NSMAF: variants seen among roughly 807,000 people sequenced by gnomAD.
The protein encoded by NSMAF is neutral sphingomyelinase activation associated factor, also known as protein FAN.
A neutral mutation model predicts 134.9 loss-of-function variants in NSMAF; 90 were observed. The observed-to-expected ratio is 0.67, with a 90% CI of 0.56 to 0.79. The LOEUF (loss-of-function observed/expected upper bound fraction) is 0.79, where lower values mean the gene tolerates loss of function less well. NSMAF is among the 30% of genes least tolerant of loss of function. The pLI is 0.00. For synonymous variants in NSMAF, 358 were observed against 389.6 expected, an observed-to-expected ratio of 0.92 and a Z score of 0.96; for missense variants, 1,010 against 1,119.0, an observed-to-expected ratio of 0.90 and a Z score of 1.39.
chr8:58,652,795 G>A (rs563844256), intron 1 of NSMAF, among the ~76,000 whole-genome samples: 2 of 152,270 alleles, frequency 1.3e-5, no homozygotes, highest in Non-Finnish European at 1.5e-5. Flanking sequence ...CTAGCAAAAC[G>A]GATTTTCAAA....
At chr8:58,602,256 A>G in intron 13 of NSMAF, 119 bp from the exon 14 acceptor site, 2 of 661,852 alleles carry the variant, frequency 3.0e-6, no homozygotes, top group Admixed American at 3.2e-5. Flanking sequence ...AGAGCAATCC[A>G]TGAGAGTTAT....
rs1004105856 is a variant in NSMAF, at chr8:58,657,208, T to C, written c.59+2365A>G. Among the ~76,000 whole-genome samples, 2 of 152,256 alleles carry C rather than the reference T, an allele frequency of 1.3e-5. 1 individual carries two copies. Among genetic ancestry groups the C allele is most frequent in the Non-Finnish European group, 2.9e-5 (2 of 68,044 alleles). On this transcript the variant is annotated intron_variant, in intron 1 of 30. Transcript: ENST00000038176. Reference sequence around the variant, plus strand: ...TAGTCAGTCTCTATGCTTCTGCTTTTGCAGGAATATCAAAGTACATCAACC... The same window carrying C: ...TAGTCAGTCTCTATGCTTCTGCTTTCGCAGGAATATCAAAGTACATCAACC...
intron 26 of NSMAF, chr8:58,588,333 T>C (rs1230835324): frequency 1.3e-6 from 1 of 766,530 alleles, no homozygotes; most frequent in Non-Finnish European, 2.2e-6. Context: ...CTTGACATTT[T>C]CTTTTTTTTT....
chr8:58,597,579 G>A (rs371819249), intron 20 of NSMAF, 29 bp from the exon 21 acceptor site: 19 of 1,608,642 alleles, frequency 1.2e-5, no homozygotes, highest in Non-Finnish European at 1.5e-5. Context: ...ATAATGCAGT[G>A]AACCACTAGG....
At chr8:58,612,940 T>TA (rs1806564578) in intron 9 of NSMAF, among the ~76,000 whole-genome samples, 3 of 152,048 alleles carry the variant, frequency 2.0e-5, no homozygotes, top group African/African-American at 7.2e-5. Flanking sequence ...TTTAAAGGGG[T>TA]AAGAAACCTG....
chr8:58,592,886 CA>C (rs975432332), intron 23 of NSMAF, among the ~76,000 whole-genome samples: 2 of 121,898 alleles, frequency 1.6e-5, no homozygotes, highest in African/African-American at 3.8e-5. Flanking sequence ...GACTCTGTCT[CA>C]AAAAAAAACA....
At chr8:58,643,253 G>A (rs1332316740) in intron 1 of NSMAF, among the ~76,000 whole-genome samples, 180 bp from the exon 2 acceptor site, 1 of 152,188 alleles carries the variant, frequency 6.6e-6, no homozygotes, top group Non-Finnish European at 1.5e-5. Flanking sequence ...ACATAGCTGG[G>A]CTTGCCTTGT....
chr8:58,599,630 A>G (rs1487383433), intron 18 of NSMAF, 120 bp downstream of exon 18: 3 of 1,141,188 alleles, frequency 2.6e-6, no homozygotes, highest in South Asian at 3.1e-5. Flanking sequence ...TAGGGCTCAT[A>G]TATCCTTATT....
chr8:58,616,391 A>C (rs1298528702), intron 9 of NSMAF, among the ~76,000 whole-genome samples: 2 of 152,134 alleles, frequency 1.3e-5, no homozygotes, highest in African/African-American at 2.4e-5. Flanking sequence ...TATGTAAAAA[A>C]GATAAGATAT....
chr8:58,613,342 G>T (rs1806574644), intron 9 of NSMAF, among the ~76,000 whole-genome samples: 1 of 152,104 alleles, frequency 6.6e-6, no homozygotes, highest in African/African-American at 2.4e-5. Flanking sequence ...GAGGCTAAAT[G>T]GAAATACATT....
Position 58,644,820 on chromosome 8 carries a change from A to G in NSMAF, c.60-1747T>C, listed in dbSNP as rs147432706. Among the ~76,000 whole-genome samples, 861 of 152,338 alleles carry G rather than the reference A, an allele frequency of 5.7e-3. 7 individuals are homozygous for G. The highest frequency in any genetic ancestry group is 0.019 in the African/African-American group (807 of 41,570). ...ATGAATTCATGTCCTTTGCAGCGAC[A>G]TGGATGAAGCTGGAAACCATCATTC... On this transcript the variant is annotated intron_variant, in intron 1 of 30. Coordinates refer to ENST00000038176, the MANE Select transcript of NSMAF (RefSeq NM_003580.4).
chr8:58,652,510 C>T (rs992309927), intron 1 of NSMAF, among the ~76,000 whole-genome samples: 3 of 152,314 alleles, frequency 2.0e-5, no homozygotes, highest in East Asian at 3.9e-4. Context: ...GCCACACATG[C>T]TGAGCTGGGA....
Position 58,590,208 on chromosome 8 carries a change from A to G in NSMAF, c.2020-134T>C. On this transcript the variant is annotated intron_variant, in intron 24 of 30. Coordinates refer to ENST00000038176, the MANE Select transcript of NSMAF (RefSeq NM_003580.4). The stretch of plus-strand genomic sequence containing the variant: ...TGTGGCTCTCCTCCTATTTACGCAG[A>G]TTTTCTCAACTGGCTAATTCCAGCT... 2.5e-5 allele frequency: 18 copies of G among 734,590 alleles called. No homozygotes were observed. The South Asian group carries it at 3.2e-4, about 13-fold the overall frequency. The allele number at this position is 734,590 out of a possible 1,614,324, so 45.5% of individuals were successfully genotyped here. A position where few individuals can be genotyped will look rare whatever the true frequency, so the allele number is the denominator to read the frequency against.
Position 58,635,174 on chromosome 8 carries a change from T to C in NSMAF, c.333+15A>G. 6.3e-7 allele frequency: 1 copy of C among 1,598,268 alleles called. No homozygotes were observed. The highest frequency in any genetic ancestry group is 8.6e-7 in the Non-Finnish European group (1 of 1,168,600). The stretch of plus-strand genomic sequence containing the variant: ...GTTCATTCAGATTAGGAAAAAATAT[T>C]TATTATGTGCTTACCTGACTGAAAA... On this transcript the variant is annotated intron_variant, in intron 5 of 30. Transcript: ENST00000038176.
chr8:58,625,845 C>G (rs1806917038), intron 6 of NSMAF, among the ~76,000 whole-genome samples: 1 of 152,114 alleles, frequency 6.6e-6, no homozygotes, highest in Non-Finnish European at 1.5e-5. Flanking sequence ...CATTTGTCCT[C>G]TTTTGTCCTC....
chr8:58,633,212 A>C (rs1807096297), intron 5 of NSMAF, among the ~76,000 whole-genome samples: 1 of 152,136 alleles, frequency 6.6e-6, no homozygotes, highest in South Asian at 2.1e-4. Flanking sequence ...CCCTGCCCCT[A>C]TTCCAGCCTC....
At chr8:58,624,178 G>A (rs1585748969) in intron 6 of NSMAF, among the ~76,000 whole-genome samples, 1 of 151,544 alleles carries the variant, frequency 6.6e-6, no homozygotes, top group East Asian at 1.9e-4. Flanking sequence ...AGTAGCTGGG[G>A]CTAGAGGTGT....
intron 9 of NSMAF, 43 bp downstream of exon 9, chr8:58,623,177 T>C: frequency 6.9e-7 from 1 of 1,446,802 alleles, no homozygotes. Flanking sequence ...CAGATGAAAA[T>C]GTCCACCACT....
intron 10 of NSMAF, among the ~76,000 whole-genome samples, chr8:58,609,048 G>C (rs999530824): frequency 6.6e-6 from 1 of 152,190 alleles, no homozygotes; most frequent in African/African-American, 2.4e-5. Context: ...TTGTGAAAGA[G>C]AAGATTGTTT....
Sources: gnomAD v4.1 joint callset for allele counts (sites outside exome capture counted in the v4.1 genomes callset) on GRCh38, gnomAD v4.1.1 for gene constraint, MANE v1.5 for transcripts, NCBI Gene and HGNC (gene_info 2026-07-23, HGNC 2026-07-21) for gene names.